The following MPP3 variants were observed in gnomAD, a reference collection of about 807,000 sequenced individuals.
MPP3 encodes MAGUK p55 subfamily member 3.
Under a neutral mutation model 80.7 loss-of-function variants are expected in MPP3, and 48 were observed. The ratio of observed to expected loss-of-function variants is 0.59; its 90% confidence interval spans 0.47 to 0.76. The LOEUF is 0.76. Among genes scored for constraint, MPP3 ranks in the 30% least tolerant of loss-of-function variants. MPP3 has a pLI of 0.00. For synonymous variants in MPP3, 311 were observed against 297.6 expected (o/e 1.04, Z -0.46); for missense variants, 620 against 763.0 (o/e 0.81, Z 2.21).
intron 14 of MPP3, 169 bp downstream of exon 14, chr17:43,815,869 G>T: frequency 1.4e-6 from 1 of 711,350 alleles, no homozygotes; most frequent in Non-Finnish European, 2.3e-6. Context: ...GCCTGGGCAG[G>T]CTCAGCTCCT....
At chr17:43,815,583 G>C (rs2045078752) in intron 14 of MPP3, 1 of 300,214 alleles carries the variant, frequency 3.3e-6, no homozygotes, top group African/African-American at 2.3e-5. Context: ...TCCAGCGTGA[G>C]AGACAGGGCA....
At chr17:43,811,491 T>C (rs1598330914) in intron 16 of MPP3, 2 of 357,812 alleles carry the variant, frequency 5.6e-6, no homozygotes, top group Non-Finnish European at 1.0e-5. Context: ...CCACAACCAG[T>C]AGAGAGCACA....
At chr17:43,806,794 G>C (rs2074570258) in intron 19 of MPP3, among the ~76,000 whole-genome samples, 1 of 152,064 alleles carries the variant, frequency 6.6e-6, no homozygotes, top group South Asian at 2.1e-4. Context: ...ATTTAGTAGA[G>C]ATGGGGTTTC....
chr17:43,815,460 G>T, intron 14 of MPP3, among the ~76,000 whole-genome samples: 1 of 152,106 alleles, frequency 6.6e-6, no homozygotes, highest in Non-Finnish European at 1.5e-5. Context: ...TAATCAGCTG[G>T]GCATGGTGTC....
At position 43,810,873 on chromosome 17, in the gene MPP3, G is replaced by A. The variant is rs748112370; in HGVS notation, c.1392C>T (p.Thr464=). Reference sequence around the variant, plus strand: ...TAACAGCCTGAATGGCCTCCAGGCTGGTTCCATACAGATTTTCCTTATATT... The same window carrying A: ...TAACAGCCTGAATGGCCTCCAGGCTAGTTCCATACAGATTTTCCTTATATT... ...HGEYKENLYG[T]SLEAIQAVMA... is the part of the protein sequence containing the mutation. The change falls in exon 18 of 20, where the codon ACC becomes ACT. Residue 464 remains threonine (T), a synonymous_variant. Transcript: ENST00000398389. The A allele has an allele frequency of 2.5e-6, 4 of 1,610,658 alleles. No individual in the cohort carries two copies. In the South Asian group the frequency reaches 4.4e-5, roughly 18 times the overall value.
At chr17:43,826,305 C>A (rs945642366) in intron 8 of MPP3, among the ~76,000 whole-genome samples, 5 of 152,174 alleles carry the variant, frequency 3.3e-5, no homozygotes, top group African/African-American at 1.2e-4. Context: ...TGAGCCTCTG[C>A]CTGAATGACT....
At chr17:43,802,721 T>C (rs1482725366) in intron 19 of MPP3, among the ~76,000 whole-genome samples, 2 of 152,156 alleles carry the variant, frequency 1.3e-5, no homozygotes, top group Non-Finnish European at 2.9e-5. Context: ...CAAAATAAAA[T>C]TTGTCGCTGG....
chr17:43,819,798 A>G (rs1012271750), intron 11 of MPP3, among the ~76,000 whole-genome samples: 9 of 151,976 alleles, frequency 5.9e-5, no homozygotes, highest in Non-Finnish European at 1.2e-4. Context: ...AAATGTTTAA[A>G]AAAAAAAAAA....
intron 19 of MPP3, among the ~76,000 whole-genome samples, chr17:43,808,590 A>C (rs527817593): frequency 6.6e-6 from 1 of 152,238 alleles, no homozygotes; most frequent in African/African-American, 2.4e-5. Flanking sequence ...TTGGGGTTTC[A>C]ATTTAAAATA....
intron 18 of MPP3, among the ~76,000 whole-genome samples, chr17:43,810,195 G>GA (rs994330832): frequency 2.6e-5 from 4 of 151,832 alleles, no homozygotes; most frequent in Non-Finnish European, 5.9e-5. Flanking sequence ...CTATAGAGGG[G>GA]AAAAAAAATC....
intron 10 of MPP3, 137 bp downstream of exon 10, chr17:43,823,794 G>T: frequency 1.6e-6 from 1 of 626,384 alleles, no homozygotes. Flanking sequence ...GTCCTCCACT[G>T]GGCACAGATT....
chr17:43,811,388 CACA>C (rs980872839), intron 16 of MPP3, 183 bp from the exon 17 acceptor site: 13 of 593,308 alleles, frequency 2.2e-5, no homozygotes, highest in Admixed American at 1.2e-4. Flanking sequence ...CACTGATTCA[CACA>C]ACAACTCTTT....
At chr17:43,830,832 C>T (rs1266990968) in intron 5 of MPP3, among the ~76,000 whole-genome samples, 1 of 152,218 alleles carries the variant, frequency 6.6e-6, no homozygotes, top group Non-Finnish European at 1.5e-5. Context: ...AAATGAGAAG[C>T]CTGAGCCAGT....
intron 12 of MPP3, 136 bp from the exon 13 acceptor site, chr17:43,816,833 G>A (rs2045166798): frequency 3.9e-6 from 3 of 774,180 alleles, no homozygotes; most frequent in Non-Finnish European, 6.8e-6. Context: ...ACGAACCTGT[G>A]ATCTGAGCTG....
At chr17:43,807,196 T>C (rs1351540638) in intron 19 of MPP3, among the ~76,000 whole-genome samples, 2 of 151,244 alleles carry the variant, frequency 1.3e-5, no homozygotes, top group African/African-American at 4.9e-5. Flanking sequence ...TGGTCTCGAA[T>C]TCCTGACGTC....
intron 10 of MPP3, among the ~76,000 whole-genome samples, chr17:43,822,015 T>C (rs1379702831): frequency 6.6e-6 from 1 of 152,170 alleles, no homozygotes; most frequent in Non-Finnish European, 1.5e-5. Flanking sequence ...AGAAGAAATA[T>C]TCAAGAAGGA....
At chr17:43,825,507 A>C in intron 9 of MPP3, 2 of 408,676 alleles carry the variant, frequency 4.9e-6, no homozygotes, top group Non-Finnish European at 4.5e-6. Flanking sequence ...GTGAAAGGGA[A>C]CCAGGGGAAG....
intron 18 of MPP3, among the ~76,000 whole-genome samples, chr17:43,809,804 G>A (rs956897047): frequency 4.6e-5 from 7 of 152,066 alleles, no homozygotes; most frequent in East Asian, 1.9e-4. Flanking sequence ...GCGTGAACCC[G>A]GGAGGCGGAG....
At chr17:43,823,658 C>T (rs1466032965) in intron 10 of MPP3, among the ~76,000 whole-genome samples, 1 of 152,184 alleles carries the variant, frequency 6.6e-6, no homozygotes, top group Admixed American at 6.5e-5. Flanking sequence ...ACCTTCTCCT[C>T]CTCTTCATGG....
Sources: allele counts gnomAD v4.1 joint callset (sites outside exome capture counted in the v4.1 genomes callset), GRCh38; gene constraint gnomAD v4.1.1; transcripts MANE v1.5; gene names NCBI Gene and HGNC (gene_info 2026-07-23, HGNC 2026-07-21).